Variants in DACT3 observed in about 807,000 individuals in gnomAD.
DACT3 encodes the protein dishevelled binding antagonist of beta catenin 3.
A neutral mutation model predicts 19.6 loss-of-function variants in DACT3; 5 were observed. The observed-to-expected ratio is 0.26, with a 90% CI of 0.13 to 0.54. The LOEUF (loss-of-function observed/expected upper bound fraction) is 0.54, where lower values mean the gene tolerates loss of function less well. Ranked by LOEUF, DACT3 falls within the 20% of genes least tolerant of loss-of-function variation. The probability of loss-of-function intolerance (pLI) is 0.95; values close to 1 mark genes in which losing one functional copy is unlikely to be tolerated. For missense variants in DACT3, 908 were observed against 927.4 expected, an observed-to-expected ratio of 0.98 and a Z score of 0.27; for synonymous variants, 454 against 428.1, an observed-to-expected ratio of 1.06 and a Z score of -0.75.
At chr19:46,649,906 A>G (rs1357945286) in intron 3 of DACT3, 34 bp from the exon 4 acceptor site, 11 of 1,327,266 alleles carry the variant, frequency 8.3e-6, no homozygotes, top group South Asian at 3.5e-5. Context: ...AAAAAAAAAG[A>G]GAGAGTGGAG....
At position 46,660,574 on chromosome 19, in the gene DACT3, AC is replaced by A. The variant is rs201524895; in HGVS notation, c.249+241del. On this transcript the variant is annotated intron_variant, in intron 1 of 3. Coordinates refer to ENST00000391916, the MANE Select transcript of DACT3 (RefSeq NM_145056.3). The surrounding 1 kb of genome is among the most constrained non-coding windows in gnomAD (Gnocchi z 4.9). ...TTTCTTTGGGGAAGGGGTGTAAGAGACAGGGCCTGTGTTTCTCACGAGGCCC... is the reference window on the plus strand; with the variant it reads ...TTTCTTTGGGGAAGGGGTGTAAGAGAAGGGCCTGTGTTTCTCACGAGGCCC... 0.015 allele frequency among the ~76,000 whole-genome samples: 2,309 copies of A among 152,090 alleles called. 45 individuals are homozygous for A. Among genetic ancestry groups the A allele is most frequent in the African/African-American group, 0.053 (2,192 of 41,488 alleles).
At chr19:46,658,543 C>T (rs1457508316) in intron 1 of DACT3, among the ~76,000 whole-genome samples, 2 of 152,176 alleles carry the variant, frequency 1.3e-5, no homozygotes, top group East Asian at 3.9e-4. Flanking sequence ...TCCTCTCCAG[C>T]ACCTAGACGC....
At chr19:46,651,057 TTATTTATC>T (rs1211040814) in intron 3 of DACT3, 1 of 134,972 alleles carries the variant, frequency 7.4e-6, no homozygotes, top group African/African-American at 2.8e-5. Context: ...CCTGGTTTAT[TTATTTATC>T]TATTTATTTA....
Position 46,661,006 on chromosome 19 carries a change from A to G in DACT3, c.59T>C (p.Leu20Pro), listed in dbSNP as rs1193410020. The change falls in exon 1 of 4, where the codon CTG (leucine) becomes CCG (proline). Residue 20 changes from leucine (L) to proline (P), a missense_variant. Physicochemically the swap from Leu to Pro is moderately conservative, Grantham distance 98. This residue lies in a region of DACT3 where 252 missense variants were observed against 325.6 expected (regional missense o/e 0.77). Transcript: ENST00000391916. ...SPERGRLRGWLEGSLAGLCEL... is the reference protein window; with the variant it reads ...SPERGRLRGWPEGSLAGLCEL... ...GCAGAGCCCGGCCAGGCTACCCTCC[A>G]GCCAGCCCCGCAGCCGGCCCCGCTC... 2 of 1,533,452 alleles carry G rather than the reference A, an allele frequency of 1.3e-6. No homozygotes were observed. The highest frequency in any genetic ancestry group is 2.8e-5 in the African/African-American group (2 of 71,520). 95.0% of individuals were successfully genotyped at this position (1,533,452 alleles called of 1,614,324 possible). A position where few individuals can be genotyped will look rare whatever the true frequency, so the allele number is the denominator to read the frequency against.
intron 1 of DACT3, among the ~76,000 whole-genome samples, chr19:46,657,562 C>T (rs1030547778): frequency 6.6e-5 from 10 of 151,234 alleles, no homozygotes; most frequent in African/African-American, 9.7e-5. Flanking sequence ...ACCACGTTAG[C>T]CAAGATGGTC....
intron 3 of DACT3, chr19:46,651,806 C>T: frequency 6.6e-6 from 1 of 151,890 alleles, no homozygotes; most frequent in South Asian, 2.1e-4. Flanking sequence ...TTCAAGCAAT[C>T]CTCCTGGCTC....
At position 46,649,608 on chromosome 19, in the gene DACT3, G is replaced by A; in HGVS notation, c.764C>T (p.Ala255Val). ...CCGGCGGCGGCGCCTGCGCAGGAGCGCCGAGATGTAGCCGTCCAGGGGCCG... is the reference window on the plus strand; with the variant it reads ...CCGGCGGCGGCGCCTGCGCAGGAGCACCGAGATGTAGCCGTCCAGGGGCCG... ...AGRPLDGYISALLRRRRRRGA... is the reference protein window; with the variant it reads ...AGRPLDGYISVLLRRRRRRGA... Residue 255 changes from alanine to valine, a missense_variant, in exon 4 of 4, where the codon GCG (alanine) becomes GTG (valine). Around this residue, in one of 2 missense-constraint regions of DACT3, gnomAD observed 656 missense variants for 601.8 expected, o/e 1.09. Coordinates refer to ENST00000391916, the MANE Select transcript of DACT3 (RefSeq NM_145056.3). The A allele has an allele frequency of 8.8e-7, 1 of 1,131,606 alleles. No individual in the cohort carries two copies. The highest frequency in any genetic ancestry group is 1.1e-6 in the Non-Finnish European group (1 of 920,354). 70.1% of individuals were successfully genotyped at this position (1,131,606 alleles called of 1,614,324 possible).
chr19:46,649,286 G>C lies in DACT3; in HGVS notation c.1086C>G (p.Gly362=). Residue 362 remains glycine, a synonymous_variant, in exon 4 of 4, where the codon GGC becomes GGG. Transcript: ENST00000391916. ...GRLVKAQYIP[G]AQAATRGLPG... ...GGAGGCCTCGGGTGGCCGCCTGCGC[G>C]CCCGGGATGTACTGCGCCTTCACCA... 1 of 1,216,384 alleles carries C rather than the reference G, an allele frequency of 8.2e-7. No individual in the cohort carries two copies. The highest frequency in any genetic ancestry group is 1.6e-5 in the African/African-American group (1 of 62,158). The allele number at this position is 1,216,384 out of a possible 1,614,324, so 75.3% of individuals were successfully genotyped here.
chr19:46,648,268 G>A lies in DACT3; in HGVS notation c.*214C>T. 2.7e-6 allele frequency: 2 copies of A among 742,702 alleles called. No homozygotes were observed. Among genetic ancestry groups the A allele is most frequent in the Non-Finnish European group, 4.3e-6 (2 of 464,942 alleles). The allele number at this position is 742,702 out of a possible 1,614,324, so 46.0% of individuals were successfully genotyped here. ...GTCTTGCCCAAGGGCTTCCAAGCTAGAAGCTGAACTGGGTCAAACAGGGCT... is the reference window on the plus strand; with the variant it reads ...GTCTTGCCCAAGGGCTTCCAAGCTAAAAGCTGAACTGGGTCAAACAGGGCT... On this transcript the variant is annotated 3_prime_UTR_variant, in exon 4 of 4. Coordinates refer to ENST00000391916, the MANE Select transcript of DACT3 (RefSeq NM_145056.3). This position sits in a 1 kb window ranked among gnomAD's most constrained non-coding sequence, Gnocchi z 5.1.
At position 46,648,610 on chromosome 19, in the gene DACT3, C is replaced by T. The variant is rs761266797; in HGVS notation, c.1762G>A (p.Gly588Ser). The T allele has an allele frequency of 1.2e-6, 2 of 1,613,110 alleles. No homozygotes were observed. The highest frequency in any genetic ancestry group is 3.3e-5 in the Admixed American group (2 of 60,002). ...QLVAATAASG[G>S]GAGAGAPAGP... ...GCGGGCGCCCCTGCACCTGCTCCAC[C>T]CCCAGAGGCCGCGGTGGCCGCCACC... Residue 588 changes from glycine (G) to serine (S), a missense_variant, in exon 4 of 4, where the codon GGT (glycine) becomes AGT (serine). By Grantham distance (56) the Gly-to-Ser change is moderately conservative. Coordinates refer to ENST00000391916, the MANE Select transcript of DACT3 (RefSeq NM_145056.3). The surrounding 1 kb of genome is among the most constrained non-coding windows in gnomAD (Gnocchi z 5.1).
Position 46,653,080 on chromosome 19 carries a change from A to G in DACT3, c.250-5T>C. 1 of 1,550,988 alleles carries G rather than the reference A, an allele frequency of 6.4e-7. No homozygotes were observed. The highest frequency in any genetic ancestry group is 8.7e-7 in the Non-Finnish European group (1 of 1,146,966). On this transcript the variant is annotated splice_region_variant and splice_polypyrimidine_tract_variant and intron_variant, in intron 1 of 3. Transcript: ENST00000391916. ...GACGAGACCAGGCAGGGCCTCCTGA[A>G]GGCATAGGGAGAGAAGGATGGTCAG...
At position 46,649,773 on chromosome 19, in the gene DACT3, G is replaced by C; in HGVS notation, c.599C>G (p.Pro200Arg). Residue 200 changes from proline (P) to arginine (R), a missense_variant, in exon 4 of 4, where the codon CCG becomes CGG. Coordinates refer to ENST00000391916, the MANE Select transcript of DACT3 (RefSeq NM_145056.3). ...PYPTAGGSAGPEACSSAERRA... is the reference protein window; with the variant it reads ...PYPTAGGSAGREACSSAERRA... Reference sequence around the variant, plus strand: ...CCGCTCCGCCGAGGAGCAGGCCTCCGGGCCGGCGGACCCCCCTGCCGTCGG... The same window carrying C: ...CCGCTCCGCCGAGGAGCAGGCCTCCCGGCCGGCGGACCCCCCTGCCGTCGG... 4 of 1,324,724 alleles carry C rather than the reference G, an allele frequency of 3.0e-6. No individual in the cohort carries two copies. Among genetic ancestry groups the C allele is most frequent in the Non-Finnish European group, 1.9e-6 (2 of 1,041,186 alleles). 82.1% of individuals were successfully genotyped at this position (1,324,724 alleles called of 1,614,324 possible).
At chr19:46,653,184 C>A in intron 1 of DACT3, 109 bp from the exon 2 acceptor site, 3 of 1,463,930 alleles carry the variant, frequency 2.0e-6, no homozygotes, top group South Asian at 1.3e-5. Context: ...ATGAGGCTCT[C>A]GCTTCAAAGG....
At chr19:46,659,646 C>T (rs1298910412) in intron 1 of DACT3, 2 of 157,938 alleles carry the variant, frequency 1.3e-5, no homozygotes, top group Non-Finnish European at 2.7e-5. Context: ...TGGCTTCAGT[C>T]TTCCTCCCCA....
intron 1 of DACT3, among the ~76,000 whole-genome samples, chr19:46,655,486 G>A (rs1036342244): frequency 4.6e-5 from 7 of 152,066 alleles, no homozygotes; most frequent in Non-Finnish European, 8.8e-5. Context: ...GGTGGTGTGT[G>A]CCTGTAATCC....
rs1169584086 is a variant in DACT3, at chr19:46,649,577, CG to C, written c.794del (p.Ala265GlyfsTer56). Reference protein sequence around the residue: ...ALLRRRRRRGAGQPRTSPGGA... With the variant: ...ALLRRRRRRGXGQPRTSPGGA... ...CCCCGGGACTGGTCCGGGGCTGGCC[CG>C]CCCCCCGGCGGCGGCGCCTGCGCAG... On this transcript the variant is annotated frameshift_variant, in exon 4 of 4. Transcript: ENST00000391916. LOFTEE classifies it low-confidence loss of function (END_TRUNC). 2.8e-6 allele frequency: 3 copies of C among 1,085,148 alleles called. No individual in the cohort carries two copies. Among genetic ancestry groups the C allele is most frequent in the South Asian group, 3.0e-5 (1 of 33,722 alleles). 67.2% of individuals were successfully genotyped at this position (1,085,148 alleles called of 1,614,324 possible).
chr19:46,652,822 C>T lies in DACT3; in HGVS notation c.347-10G>A. ...GGATCTTCATAGAAGCCTAAATTTC[C>T]AGGAGAAGCAGAGAGACTTCAGGGG... is the stretch of plus-strand genomic sequence containing the variant. On this transcript the variant is annotated splice_polypyrimidine_tract_variant and intron_variant, in intron 2 of 3. Coordinates refer to ENST00000391916, the MANE Select transcript of DACT3 (RefSeq NM_145056.3). The T allele has an allele frequency of 6.5e-7, 1 of 1,547,508 alleles. No individual in the cohort carries two copies. The highest frequency in any genetic ancestry group is 8.7e-7 in the Non-Finnish European group (1 of 1,144,190).
Position 46,647,770 on chromosome 19 carries a change from C to G in DACT3, c.*712G>C, listed in dbSNP as rs377483702. 2.0e-5 allele frequency: 3 copies of G among 152,472 alleles called. No homozygotes were observed. The highest frequency in any genetic ancestry group is 7.2e-5 in the African/African-American group (3 of 41,384). 9.4% of individuals were successfully genotyped at this position (152,472 alleles called of 1,614,324 possible). A position where few individuals can be genotyped will look rare whatever the true frequency, so the allele number is the denominator to read the frequency against. On this transcript the variant is annotated 3_prime_UTR_variant, in exon 4 of 4. Transcript: ENST00000391916. ...ACAGCTGAGGGTCATCAGGCTTCCC[C>G]CATTCCCTCTCACAGGGAGTGGGGG...
intron 3 of DACT3, chr19:46,651,643 T>TG (rs1491510116): frequency 4.0e-5 from 5 of 124,948 alleles, no homozygotes; most frequent in East Asian, 2.3e-4. Flanking sequence ...GCAGGCACTG[T>TG]TTGTGTGTGT....
Sources: gnomAD v4.1 joint callset for allele counts (sites outside exome capture counted in the v4.1 genomes callset) on GRCh38, gnomAD v4.1.1 for gene constraint, gnomAD v4.1.1 regional missense constraint, Gnocchi (gnomAD v3.1) non-coding constraint, MANE v1.5 for transcripts, NCBI Gene and HGNC (gene_info 2026-07-23, HGNC 2026-07-21) for gene names.